CCBE1: variants seen among roughly 807,000 people sequenced by gnomAD.
CCBE1 encodes collagen and calcium binding EGF domains 1.
CCBE1 carries 37 observed loss-of-function variants against 50.0 expected under a neutral mutation model. The ratio of observed to expected loss-of-function variants is 0.74; its 90% CI spans 0.57 to 0.97. The LOEUF (loss-of-function observed/expected upper bound fraction) is 0.97. Among genes scored for constraint, CCBE1 ranks in the 50% least tolerant of loss-of-function variants. CCBE1 has a pLI of 0.00. For missense variants in CCBE1, 538 were observed against 523.8 expected (o/e 1.03, Z -0.26); for synonymous variants, 234 against 203.7 (o/e 1.15, Z -1.27).
intron 2 of CCBE1, among the ~76,000 whole-genome samples, chr18:59,661,304 A>T (rs1480374762): frequency 6.6e-6 from 1 of 152,234 alleles, no homozygotes; most frequent in Admixed American, 6.5e-5. Context: ...GTTCACATGC[A>T]TTTGGTCTGG....
At chr18:59,458,759 G>A (rs1911325797) in intron 5 of CCBE1, among the ~76,000 whole-genome samples, 1 of 152,214 alleles carries the variant, frequency 6.6e-6, no homozygotes, top group South Asian at 2.1e-4. Flanking sequence ...CTGTCGGCCA[G>A]GCTCCAGGGC....
Position 59,435,552 on chromosome 18 carries a change from T to C in CCBE1, c.*356A>G. 3.1e-6 allele frequency: 1 copy of C among 324,686 alleles called. No individual in the cohort carries two copies. Among genetic ancestry groups the C allele is most frequent in the Admixed American group, 4.5e-5 (1 of 22,276 alleles). 20.1% of individuals were successfully genotyped at this position (324,686 alleles called of 1,614,324 possible). The stretch of plus-strand genomic sequence containing the variant: ...GCTCACTTTGTCATTTTCCCCCTTT[T>C]GATACTCTGCCAAATTTAACTTCAA... On this transcript the variant is annotated 3_prime_UTR_variant, in exon 11 of 11. Coordinates refer to ENST00000439986, the MANE Select transcript of CCBE1 (RefSeq NM_133459.4).
At chr18:59,635,262 A>G (rs1341094207) in intron 2 of CCBE1, among the ~76,000 whole-genome samples, 2 of 152,256 alleles carry the variant, frequency 1.3e-5, no homozygotes, top group East Asian at 1.9e-4. Context: ...GGATATGGCT[A>G]AACTGACATT....
Position 59,564,271 on chromosome 18 carries a change from A to T in CCBE1, c.213-84033T>A, listed in dbSNP as rs184830385. The stretch of plus-strand genomic sequence containing the variant: ...AAGAATGAAGGGTAAATTCCTCTTT[A>T]ATCCTATCTAGACAATCGTCATTTG... On this transcript the variant is annotated intron_variant, in intron 2 of 10. Transcript: ENST00000439986. 5.4e-3 allele frequency among the ~76,000 whole-genome samples: 826 copies of T among 152,348 alleles called. 3 individuals are homozygous for T. The highest frequency in any genetic ancestry group is 9.1e-3 in the Non-Finnish European group (616 of 68,026).
chr18:59,605,569 T>G (rs535091963), intron 2 of CCBE1, among the ~76,000 whole-genome samples: 2 of 152,192 alleles, frequency 1.3e-5, no homozygotes, highest in African/African-American at 2.4e-5. Flanking sequence ...TTACTAGGTG[T>G]TCCTGGATCA....
chr18:59,697,258 A>G lies in CCBE1; in HGVS notation c.85T>C (p.Leu29=). The G allele has an allele frequency of 6.5e-7, 1 of 1,549,284 alleles. No individual in the cohort carries two copies. The highest frequency in any genetic ancestry group is 8.7e-7 in the Non-Finnish European group (1 of 1,146,724). Residue 29 remains leucine, a synonymous_variant, in exon 1 of 11, where the codon TTG becomes CTG. Coordinates refer to ENST00000439986, the MANE Select transcript of CCBE1 (RefSeq NM_133459.4). ...SLGPLLLLLA[L]GHTWTYREEP... ...TCTCTGTAGGTCCACGTGTGTCCCA[A>G]CGCCAGGAGCAGCAGCAGCGGACCC... is the stretch of plus-strand genomic sequence containing the variant.
intron 2 of CCBE1, among the ~76,000 whole-genome samples, chr18:59,578,112 A>G (rs905667217): frequency 2.0e-5 from 3 of 152,030 alleles, no homozygotes; most frequent in African/African-American, 4.8e-5. Flanking sequence ...AATGTACAAG[A>G]AAAAAAACCC....
intron 2 of CCBE1, among the ~76,000 whole-genome samples, chr18:59,520,189 G>GT (rs1177551982): frequency 1.3e-5 from 2 of 152,066 alleles, no homozygotes; most frequent in East Asian, 3.9e-4. Context: ...ATTTAAAGTA[G>GT]TTTTTTTCTA....
chr18:59,691,504 C>G (rs573940030), intron 2 of CCBE1, among the ~76,000 whole-genome samples: 1 of 152,354 alleles, frequency 6.6e-6, no homozygotes, highest in African/African-American at 2.4e-5. Flanking sequence ...CTCCCAGGTT[C>G]AAGTGACTCT....
intron 6 of CCBE1, among the ~76,000 whole-genome samples, chr18:59,450,850 A>G (rs1395480152): frequency 6.6e-6 from 1 of 152,146 alleles, no homozygotes; most frequent in Non-Finnish European, 1.5e-5. Flanking sequence ...TCAGTTTAAT[A>G]TGGATTCCCA....
At chr18:59,562,085 A>G (rs1343431693) in intron 2 of CCBE1, among the ~76,000 whole-genome samples, 1 of 152,148 alleles carries the variant, frequency 6.6e-6, no homozygotes, top group Non-Finnish European at 1.5e-5. Flanking sequence ...TGATTTGTAA[A>G]CTTGAGTTAT....
At chr18:59,464,401 A>C (rs1911643520) in intron 5 of CCBE1, among the ~76,000 whole-genome samples, 1 of 152,162 alleles carries the variant, frequency 6.6e-6, no homozygotes, top group Non-Finnish European at 1.5e-5. Flanking sequence ...GCACTCCAGC[A>C]CTCCAGCCTG....
intron 2 of CCBE1, among the ~76,000 whole-genome samples, chr18:59,527,146 T>C (rs1453393888): frequency 6.6e-6 from 1 of 152,238 alleles, no homozygotes; most frequent in Non-Finnish European, 1.5e-5. Context: ...AGTCTCCTTG[T>C]AGTTCTCTAA....
intron 2 of CCBE1, among the ~76,000 whole-genome samples, chr18:59,625,164 G>A (rs906246972): frequency 1.3e-5 from 2 of 152,190 alleles, no homozygotes; most frequent in African/African-American, 4.8e-5. Flanking sequence ...GGGCGTGGTG[G>A]CTCCCACCTG....
Position 59,586,747 on chromosome 18 carries a change from A to C in CCBE1, c.213-106509T>G, listed in dbSNP as rs2053184114. Among the ~76,000 whole-genome samples the C allele has an allele frequency of 2.6e-5, 4 of 152,344 alleles. No homozygotes were observed. The South Asian group carries it at 8.3e-4, about 32-fold the overall frequency. On this transcript the variant is annotated intron_variant, in intron 2 of 10. Transcript: ENST00000439986. ...TCAACACTGTGCACCCCTCATAGAC[A>C]GGCTAGAGAAACCATGAAAACACAT...
chr18:59,499,630 G>T (rs1161097936), intron 2 of CCBE1, among the ~76,000 whole-genome samples: 1 of 152,144 alleles, frequency 6.6e-6, no homozygotes, highest in African/African-American at 2.4e-5. Flanking sequence ...CATGAGAACA[G>T]CACGGGAAAG....
In CCBE1 at chr18:59,439,767, A is replaced by C. The variant is rs1254636662; in HGVS notation, c.825T>G (p.Pro275=). The stretch of plus-strand genomic sequence containing the variant: ...AGCCCCGTGGGCCGGGCTGCCCAGG[A>C]GGGCCTGGCATACCGGGGAAGCCTG... ...GSPGFPGMPG[P]PGQPGPRGSM... Residue 275 remains proline (P), a synonymous_variant, in exon 8 of 11, where the codon CCT becomes CCG. Transcript: ENST00000439986. 3 of 1,614,032 alleles carry C rather than the reference A, an allele frequency of 1.9e-6. No individual in the cohort carries two copies. The African/African-American group carries it at 4.0e-5, about 22-fold the overall frequency.
chr18:59,489,031 A>G (rs1912963805), intron 2 of CCBE1, among the ~76,000 whole-genome samples: 1 of 152,234 alleles, frequency 6.6e-6, no homozygotes, highest in Admixed American at 6.5e-5. Context: ...GGTCTCAACC[A>G]TATGTGTTAC....
chr18:59,484,443 A>G (rs928785989), intron 2 of CCBE1, among the ~76,000 whole-genome samples: 3 of 152,286 alleles, frequency 2.0e-5, no homozygotes, highest in Non-Finnish European at 4.4e-5. Context: ...ATGCAAATCA[A>G]TATGATCCCT....
Sources: gnomAD v4.1 joint callset for allele counts (sites outside exome capture counted in the v4.1 genomes callset) on GRCh38, gnomAD v4.1.1 for gene constraint, MANE v1.5 for transcripts, NCBI Gene and HGNC (gene_info 2026-07-23, HGNC 2026-07-21) for gene names.